Variants in PACS1 observed in about 807,000 individuals in gnomAD.
The protein encoded by PACS1 is phosphofurin acidic cluster sorting protein 1.
A neutral mutation model predicts 115.0 loss-of-function variants in PACS1; 24 were observed. The observed-to-expected ratio is 0.21, with a 90% CI of 0.15 to 0.29. The LOEUF (loss-of-function observed/expected upper bound fraction) is 0.29. PACS1 is among the 10% of genes least tolerant of loss of function. The pLI, the probability that PACS1 is intolerant of heterozygous loss-of-function variation, is 1.00. For missense variants in PACS1, 838 were observed against 1,251.2 expected, an observed-to-expected ratio of 0.67 and a Z score of 4.98; for synonymous variants, 453 against 504.5, an observed-to-expected ratio of 0.90 and a Z score of 1.37.
At position 66,196,786 on chromosome 11, in the gene PACS1, C is replaced by T. The variant is rs1385513125; in HGVS notation, c.444+3213C>T. Among the ~76,000 whole-genome samples the T allele has an allele frequency of 9.2e-5, 14 of 152,112 alleles. No homozygotes were observed. In the South Asian group the frequency reaches 1.2e-3, roughly 14 times the overall value. On this transcript the variant is annotated intron_variant, in intron 2 of 23. Transcript: ENST00000320580. Reference sequence around the variant, plus strand: ...CTAATTTGTGTATTTTTAGTAGAGACGGGGTTTTACCATGTTGGCCAGGTT... The same window carrying T: ...CTAATTTGTGTATTTTTAGTAGAGATGGGGTTTTACCATGTTGGCCAGGTT...
intron 1 of PACS1, among the ~76,000 whole-genome samples, chr11:66,125,998 C>T (rs1316757488): frequency 1.3e-5 from 2 of 148,520 alleles, no homozygotes; most frequent in African/African-American, 5.0e-5. Context: ...CGAGATTGTA[C>T]CATTGCACTC....
intron 1 of PACS1, among the ~76,000 whole-genome samples, chr11:66,140,358 T>C (rs1858949922): frequency 6.6e-6 from 1 of 152,194 alleles, no homozygotes; most frequent in Non-Finnish European, 1.5e-5. Flanking sequence ...GGAGAAGTTA[T>C]TCATGGATTT....
At chr11:66,242,886 C>T (rs753434253) in intron 22 of PACS1, 26 bp from the exon 23 acceptor site, 3 of 1,613,588 alleles carry the variant, frequency 1.9e-6, no homozygotes, top group Non-Finnish European at 2.5e-6. Context: ...GGGGCTGGGA[C>T]ACAGGTGGCC....
intron 1 of PACS1, among the ~76,000 whole-genome samples, chr11:66,143,441 G>T (rs937544995): frequency 3.3e-5 from 5 of 152,150 alleles, no homozygotes; most frequent in African/African-American, 1.2e-4. Flanking sequence ...ATGCCAACGT[G>T]CTGTGGGTTC....
At chr11:66,223,285 G>C (rs1855397920) in intron 10 of PACS1, among the ~76,000 whole-genome samples, 1 of 152,030 alleles carries the variant, frequency 6.6e-6, no homozygotes, top group East Asian at 1.9e-4. Context: ...GTAGAGATGG[G>C]GTTTCTCCAT....
chr11:66,174,412 C>T (rs765220046), intron 1 of PACS1, among the ~76,000 whole-genome samples: 4 of 152,106 alleles, frequency 2.6e-5, no homozygotes, highest in Non-Finnish European at 4.4e-5. Context: ...CCCTGCAATT[C>T]CAGTGGTAAA....
intron 1 of PACS1, among the ~76,000 whole-genome samples, chr11:66,093,236 C>T (rs1204423718): frequency 6.6e-6 from 1 of 152,098 alleles, no homozygotes; most frequent in Non-Finnish European, 1.5e-5. Flanking sequence ...CTTCACGTCC[C>T]GTGTAAGTTG....
chr11:66,240,400 C>T (rs951318222), intron 21 of PACS1, among the ~76,000 whole-genome samples: 2 of 152,182 alleles, frequency 1.3e-5, no homozygotes, highest in Non-Finnish European at 2.9e-5. Context: ...GCCTTCCCTT[C>T]CCCCATTTCG....
intron 8 of PACS1, 137 bp from the exon 9 acceptor site, chr11:66,220,494 G>T (rs1011474607): frequency 1.1e-5 from 9 of 787,590 alleles, no homozygotes; most frequent in Non-Finnish European, 1.4e-5. Context: ...TGACGTGAAG[G>T]TTACTCCAGC....
chr11:66,188,655 C>T (rs1278361395), intron 1 of PACS1, among the ~76,000 whole-genome samples: 2 of 152,272 alleles, frequency 1.3e-5, no homozygotes, highest in East Asian at 1.9e-4. Context: ...GAAGCGCCCA[C>T]CAGTGAAACA....
At chr11:66,071,423 C>T (rs1233181210) in intron 1 of PACS1, among the ~76,000 whole-genome samples, 1 of 152,116 alleles carries the variant, frequency 6.6e-6, no homozygotes, top group Admixed American at 6.5e-5. Context: ...TTTTTACCTC[C>T]CCTCCCCCAC....
intron 1 of PACS1, among the ~76,000 whole-genome samples, chr11:66,140,329 G>A (rs1369427312): frequency 1.8e-4 from 28 of 152,272 alleles, no homozygotes; most frequent in Admixed American, 1.8e-3. Flanking sequence ...ACATATGAGA[G>A]TTTTGGTTAG....
In PACS1 at chr11:66,193,550, G is replaced by C; in HGVS notation, c.421G>C (p.Val141Leu). The C allele has an allele frequency of 6.2e-7, 1 of 1,613,714 alleles. No homozygotes were observed. The highest frequency in any genetic ancestry group is 8.5e-7 in the Non-Finnish European group (1 of 1,179,622). Residue 141 changes from valine to leucine, a missense_variant, in exon 2 of 24, where the codon GTG becomes CTG. By Grantham distance (32) the Val-to-Leu change is conservative. Coordinates refer to ENST00000320580, the MANE Select transcript of PACS1 (RefSeq NM_018026.4). ...LKEMDKDLNS[V>L]VIAVKLQGSK... ...AGAAATGGACAAAGATCTTAACTCA[G>C]TGGTCATCGCTGTGAAGCTGCAGGT...
chr11:66,231,001 GT>G lies in PACS1; in HGVS notation c.1626+65del. The G allele has an allele frequency of 1.9e-6, 3 of 1,596,966 alleles. No individual in the cohort carries two copies. The East Asian group carries it at 6.7e-5, about 36-fold the overall frequency. On this transcript the variant is annotated intron_variant, in intron 13 of 23. Coordinates refer to ENST00000320580, the MANE Select transcript of PACS1 (RefSeq NM_018026.4). ...TGAGATTCCCTGAACTTCAGGCTCT[GT>G]TTTGTTGGCTTCCTTGGACAGTTAG...
intron 1 of PACS1, among the ~76,000 whole-genome samples, chr11:66,122,486 A>G (rs1462078729): frequency 6.6e-6 from 1 of 152,242 alleles, no homozygotes; most frequent in Non-Finnish European, 1.5e-5. Context: ...TGCCATAGGT[A>G]GTGATTCCTT....
intron 1 of PACS1, among the ~76,000 whole-genome samples, chr11:66,092,862 G>A (rs1857692767): frequency 6.6e-6 from 1 of 152,124 alleles, no homozygotes; most frequent in Non-Finnish European, 1.5e-5. Context: ...TGAGGGCTCT[G>A]TTCTGTTCCA....
intron 8 of PACS1, chr11:66,220,141 G>A (rs1855308334): frequency 2.6e-6 from 1 of 379,744 alleles, no homozygotes; most frequent in African/African-American, 2.1e-5. Flanking sequence ...GGGAACATCA[G>A]TGAGCAGCAG....
At chr11:66,141,568 C>G (rs1356143139) in intron 1 of PACS1, among the ~76,000 whole-genome samples, 1 of 151,416 alleles carries the variant, frequency 6.6e-6, no homozygotes, top group African/African-American at 2.4e-5. Flanking sequence ...GCAGGAGAAT[C>G]ACTTGAACCC....
intron 4 of PACS1, among the ~76,000 whole-genome samples, chr11:66,214,218 T>C (rs1855145009): frequency 6.6e-6 from 1 of 152,148 alleles, no homozygotes; most frequent in African/African-American, 2.4e-5. Flanking sequence ...GTGGCCATGA[T>C]AGAAAATTTG....
Sources: allele counts gnomAD v4.1 joint callset (sites outside exome capture counted in the v4.1 genomes callset), GRCh38; gene constraint gnomAD v4.1.1; transcripts MANE v1.5; gene names NCBI Gene and HGNC (gene_info 2026-07-23, HGNC 2026-07-21).